STMN2: variants seen among roughly 807,000 people sequenced by gnomAD.
STMN2 encodes stathmin-2.
Under a neutral mutation model 24.1 loss-of-function variants are expected in STMN2, and 2 were observed. That is an observed-to-expected ratio of 0.08 (90% CI 0.03 to 0.26). STMN2 has a LOEUF of 0.26. STMN2 is among the 10% of genes least tolerant of loss of function. The pLI, the probability that STMN2 is intolerant of heterozygous loss-of-function variation, is 1.00. For missense variants in STMN2, 114 were observed against 213.6 expected, an observed-to-expected ratio of 0.53 and a Z score of 2.91; for synonymous variants, 83 against 77.5, an observed-to-expected ratio of 1.07 and a Z score of -0.37.
At chr8:79,630,649 G>A (rs1279121677) in intron 1 of STMN2, among the ~76,000 whole-genome samples, 4 of 152,194 alleles carry the variant, frequency 2.6e-5, no homozygotes, top group Non-Finnish European at 4.4e-5. Flanking sequence ...GAAATCACTT[G>A]GGTGCTACAT....
Position 79,641,688 on chromosome 8 carries a change from C to T in STMN2, c.288+138C>T, listed in dbSNP as rs374702956. 269 of 768,740 alleles carry T rather than the reference C, an allele frequency of 3.5e-4. No individual in the cohort carries two copies. In the African/African-American group the frequency reaches 4.4e-3, roughly 13 times the overall value. The allele number at this position is 768,740 out of a possible 1,614,324, so 47.6% of individuals were successfully genotyped here. ...CACACACACATACAGAGAGCAATGA[C>T]AGCTGAACCTGTGCCATGCCAACAT... On this transcript the variant is annotated intron_variant, in intron 3 of 4. Coordinates refer to ENST00000220876, the MANE Select transcript of STMN2 (RefSeq NM_007029.4).
intron 4 of STMN2, among the ~76,000 whole-genome samples, chr8:79,657,435 A>G (rs984740878): frequency 6.6e-6 from 1 of 152,192 alleles, no homozygotes; most frequent in Non-Finnish European, 1.5e-5. Context: ...AGTGCTTAAA[A>G]TTCCTGACAT....
chr8:79,656,223 G>A (rs1279218107), intron 4 of STMN2, among the ~76,000 whole-genome samples: 1 of 152,190 alleles, frequency 6.6e-6, no homozygotes, highest in African/African-American at 2.4e-5. Flanking sequence ...TGAAAGCATT[G>A]CTGGGGAAGG....
intron 1 of STMN2, among the ~76,000 whole-genome samples, chr8:79,636,168 G>A (rs1044994084): frequency 5.9e-5 from 9 of 152,136 alleles, no homozygotes; most frequent in African/African-American, 9.7e-5. Flanking sequence ...AGTGAGCTGG[G>A]ATCACACCAC....
chr8:79,663,762 G>C (rs2130404602), intron 4 of STMN2: 1 of 971,644 alleles, frequency 1.0e-6, no homozygotes, highest in Non-Finnish European at 1.4e-6. Context: ...ATATATGCAA[G>C]ACAGTTTGAT....
intron 3 of STMN2, among the ~76,000 whole-genome samples, chr8:79,648,827 G>C (rs1184674835): frequency 6.6e-6 from 1 of 152,032 alleles, no homozygotes; most frequent in African/African-American, 2.4e-5. Context: ...AGTTTGATAG[G>C]TAATAGATAT....
intron 1 of STMN2, among the ~76,000 whole-genome samples, chr8:79,623,025 C>T (rs950942920): frequency 2.6e-5 from 4 of 152,128 alleles, no homozygotes; most frequent in African/African-American, 7.2e-5. Flanking sequence ...CTTTAAACAC[C>T]CTTCCTTCAG....
At chr8:79,663,549 A>G in intron 4 of STMN2, 1 of 1,416,820 alleles carries the variant, frequency 7.1e-7, no homozygotes, top group African/African-American at 1.4e-5. Context: ...CTTGAGATTA[A>G]TAGAGTTTAA....
chr8:79,655,139 A>C, intron 4 of STMN2, 77 bp downstream of exon 4: 1 of 1,528,004 alleles, frequency 6.5e-7, no homozygotes, highest in East Asian at 2.3e-5. Flanking sequence ...ATGCCTGAGC[A>C]CAGAGACGAA....
At chr8:79,626,243 G>T (rs193242816) in intron 1 of STMN2, among the ~76,000 whole-genome samples, 2 of 152,110 alleles carry the variant, frequency 1.3e-5, no homozygotes, top group African/African-American at 4.8e-5. Flanking sequence ...ACTAGTATTG[G>T]AGCTAAAATA....
intron 3 of STMN2, among the ~76,000 whole-genome samples, chr8:79,650,340 C>G (rs1810308028): frequency 6.6e-6 from 1 of 152,172 alleles, no homozygotes; most frequent in South Asian, 2.1e-4. Flanking sequence ...TCTGCACAGT[C>G]AAGATATAAA....
chr8:79,657,035 A>T, intron 4 of STMN2, among the ~76,000 whole-genome samples: 1 of 152,108 alleles, frequency 6.6e-6, no homozygotes, highest in Non-Finnish European at 1.5e-5. Flanking sequence ...CACCACGCCC[A>T]GCTAATTTTT....
chr8:79,641,843 C>T (rs1273092106), intron 3 of STMN2, among the ~76,000 whole-genome samples: 3 of 152,070 alleles, frequency 2.0e-5, no homozygotes, highest in Non-Finnish European at 2.9e-5. Context: ...TGCCCCTTCC[C>T]GTATATTGAA....
intron 3 of STMN2, among the ~76,000 whole-genome samples, chr8:79,651,798 G>A (rs899578616): frequency 6.6e-6 from 1 of 152,336 alleles, no homozygotes; most frequent in East Asian, 1.9e-4. Context: ...TGGCCATGAA[G>A]TCCATCTCAA....
intron 3 of STMN2, among the ~76,000 whole-genome samples, chr8:79,644,595 A>G (rs187040072): frequency 1.3e-3 from 195 of 152,298 alleles, no homozygotes; most frequent in Admixed American, 7.5e-3. Flanking sequence ...TGGGGTAAGA[A>G]TTGTGGAGGG....
At chr8:79,663,469 G>T (rs1400901034) in intron 4 of STMN2, 2 of 583,420 alleles carry the variant, frequency 3.4e-6, no homozygotes, top group African/African-American at 1.9e-5. Flanking sequence ...ACTGATGCAG[G>T]TCTGGTACAC....
intron 1 of STMN2, among the ~76,000 whole-genome samples, chr8:79,624,643 G>C (rs545136488): frequency 6.6e-6 from 1 of 152,236 alleles, no homozygotes; most frequent in East Asian, 1.9e-4. Flanking sequence ...ATCCAGAAAA[G>C]TATACATTTC....
chr8:79,644,823 T>A (rs867727257), intron 3 of STMN2, among the ~76,000 whole-genome samples: 12 of 151,920 alleles, frequency 7.9e-5, no homozygotes, highest in African/African-American at 9.7e-5. Context: ...AAAATATTAA[T>A]CTAGGCAGCT....
intron 1 of STMN2, among the ~76,000 whole-genome samples, chr8:79,634,250 A>G (rs944635851): frequency 9.9e-5 from 15 of 152,242 alleles, no homozygotes; most frequent in Admixed American, 9.8e-4. Context: ...AGAAATTATG[A>G]TTCTCACTTA....
Sources: allele counts gnomAD v4.1 joint callset (sites outside exome capture counted in the v4.1 genomes callset), GRCh38; gene constraint gnomAD v4.1.1; transcripts MANE v1.5; gene names NCBI Gene and HGNC (gene_info 2026-07-23, HGNC 2026-07-21).